The following NOCT variants were observed in gnomAD, a reference collection of about 807,000 sequenced individuals.
The protein encoded by NOCT is nocturnin.
NOCT carries 18 observed loss-of-function variants against 35.0 expected under a neutral mutation model. The observed-to-expected ratio is 0.51, with a 90% CI of 0.36 to 0.76. NOCT has a LOEUF of 0.76. Ranked by LOEUF, NOCT falls within the 30% of genes least tolerant of loss-of-function variation. The pLI, the probability that NOCT is intolerant of heterozygous loss-of-function variation, is 0.01. For synonymous variants in NOCT, 235 were observed against 226.3 expected (o/e 1.04, Z -0.34); for missense variants, 479 against 541.0 (o/e 0.89, Z 1.14).
chr4:139,040,435 A>G (rs1345752398), intron 1 of NOCT, among the ~76,000 whole-genome samples: 1 of 152,026 alleles, frequency 6.6e-6, no homozygotes, highest in Non-Finnish European at 1.5e-5. Flanking sequence ...ACTGTCTGAT[A>G]TTGTTCTATT....
chr4:139,021,070 CAA>C (rs942925444), intron 1 of NOCT, among the ~76,000 whole-genome samples: 33 of 55,630 alleles, frequency 5.9e-4, no homozygotes, highest in Admixed American at 7.8e-4. Flanking sequence ...TACTCTGTCT[CAA>C]AAAAAAAAAA....
rs1726872548 is a variant in NOCT at position 139,043,357 on chromosome 4, T to G, written c.460+14T>G. 8 of 1,608,052 alleles carry G rather than the reference T, an allele frequency of 5.0e-6. No individual in the cohort carries two copies. The South Asian group carries it at 7.7e-5, about 15-fold the overall frequency. On this transcript the variant is annotated intron_variant, in intron 2 of 2. Transcript: ENST00000280614. ...TCCTCGCCCAAGGTATGCTGGATGC[T>G]TTTGTGCCTCTGCAGTCAAGTTTGC... is the stretch of plus-strand genomic sequence containing the variant.
At position 139,044,709 on chromosome 4, in the gene NOCT, T is replaced by G; in HGVS notation, c.531T>G (p.Cys177Trp). 6.2e-7 allele frequency: 1 copy of G among 1,614,166 alleles called. No homozygotes were observed. The highest frequency in any genetic ancestry group is 8.5e-7 in the Non-Finnish European group (1 of 1,180,022). The part of the protein sequence containing the change: ...VEALKWEERK[C>W]LILEEILAYQ... ...CACTCAAATGGGAAGAAAGGAAATGTCTCATCCTGGAAGAAATCCTGGCCT... is the reference window on the plus strand; with the variant it reads ...CACTCAAATGGGAAGAAAGGAAATGGCTCATCCTGGAAGAAATCCTGGCCT... The change falls in exon 3 of 3, where the codon TGT (cysteine) becomes TGG (tryptophan). Residue 177 changes from cysteine to tryptophan, a missense_variant. Physicochemically the swap from Cys to Trp is radical, Grantham distance 215. Coordinates refer to ENST00000280614, the MANE Select transcript of NOCT (RefSeq NM_012118.4).
intron 1 of NOCT, among the ~76,000 whole-genome samples, chr4:139,032,398 C>G (rs1409652096): frequency 6.6e-6 from 1 of 152,142 alleles, no homozygotes; most frequent in African/African-American, 2.4e-5. Context: ...GACTCATGCC[C>G]AGTCCCAACA....
chr4:139,033,565 C>T (rs918855397), intron 1 of NOCT, among the ~76,000 whole-genome samples: 2 of 150,912 alleles, frequency 1.3e-5, no homozygotes, highest in African/African-American at 2.4e-5. Flanking sequence ...ATCCCAGCTG[C>T]TTAGGCTGAG....
At chr4:139,019,188 T>G (rs1726366473) in intron 1 of NOCT, among the ~76,000 whole-genome samples, 1 of 152,208 alleles carries the variant, frequency 6.6e-6, no homozygotes, top group African/African-American at 2.4e-5. Flanking sequence ...CCTGAGCAGC[T>G]GTGACTACAG....
At chr4:139,038,406 A>G (rs1172916255) in intron 1 of NOCT, among the ~76,000 whole-genome samples, 2 of 152,108 alleles carry the variant, frequency 1.3e-5, no homozygotes, top group Non-Finnish European at 2.9e-5. Flanking sequence ...CTCAGGCCAA[A>G]TAAGGTAGAT....
chr4:139,041,587 C>G (rs1726833435), intron 1 of NOCT, among the ~76,000 whole-genome samples: 1 of 152,312 alleles, frequency 6.6e-6, no homozygotes, highest in East Asian at 1.9e-4. Context: ...GAAGATTATG[C>G]TCTGTTCTCC....
chr4:139,034,218 C>T (rs1309329789), intron 1 of NOCT, among the ~76,000 whole-genome samples: 1 of 151,950 alleles, frequency 6.6e-6, no homozygotes, highest in Non-Finnish European at 1.5e-5. Context: ...AGCACTGTGT[C>T]TCCCCACCCC....
rs778849254 is a variant in NOCT, at chr4:139,045,387, C to A, written c.1209C>A (p.Asn403Lys). 1.2e-6 allele frequency: 2 copies of A among 1,614,096 alleles called. No homozygotes were observed. Among genetic ancestry groups the A allele is most frequent in the Non-Finnish European group, 8.5e-7 (1 of 1,179,992 alleles). Reference sequence around the variant, plus strand: ...TCACTGAAGAACAGATTGGACCCAACAGGTTACCTTCCTTCAATTATCCTT... The same window carrying A: ...TCACTGAAGAACAGATTGGACCCAAAAGGTTACCTTCCTTCAATTATCCTT... ...DLLTEEQIGP[N>K]RLPSFNYPSD... The change falls in exon 3 of 3, where the codon AAC (asparagine) becomes AAA (lysine). Residue 403 changes from asparagine to lysine, a missense_variant. Asn to Lys is a moderately conservative substitution (Grantham distance 94). Around this residue, in one of 2 missense-constraint regions of NOCT, gnomAD observed 214 missense variants for 284.0 expected, o/e 0.75. Transcript: ENST00000280614.
intron 1 of NOCT, among the ~76,000 whole-genome samples, chr4:139,023,347 A>G (rs1323215706): frequency 6.6e-6 from 1 of 152,148 alleles, no homozygotes; most frequent in Non-Finnish European, 1.5e-5. Context: ...GATTCTAATA[A>G]TACCTGGGAT....
At position 139,034,140 on chromosome 4, in the gene NOCT, C is replaced by T. The variant is rs1726681159; in HGVS notation, c.191-8934C>T. 2.0e-5 allele frequency among the ~76,000 whole-genome samples: 3 copies of T among 152,152 alleles called. No homozygotes were observed. In the South Asian group the frequency reaches 6.2e-4, roughly 31 times the overall value. On this transcript the variant is annotated intron_variant, in intron 1 of 2. Transcript: ENST00000280614. ...TAAGGGCCTTGTTGCTGTGTCATGCCATGGCCAAAGATGGAAGGTCAAGAG... is the reference window on the plus strand; with the variant it reads ...TAAGGGCCTTGTTGCTGTGTCATGCTATGGCCAAAGATGGAAGGTCAAGAG...
At position 139,045,442 on chromosome 4, in the gene NOCT, A is replaced by G. The variant is rs1726917083; in HGVS notation, c.1264A>G (p.Ser422Gly). 3 of 1,602,694 alleles carry G rather than the reference A, an allele frequency of 1.9e-6. No individual in the cohort carries two copies. Among genetic ancestry groups the G allele is most frequent in the Non-Finnish European group, 8.5e-7 (1 of 1,172,354 alleles). The change falls in exon 3 of 3, where the codon AGC (serine) becomes GGC (glycine). Residue 422 changes from serine to glycine, a missense_variant. Physicochemically the swap from Ser to Gly is moderately conservative, Grantham distance 56 (BLOSUM62 0). Around this residue, in one of 2 missense-constraint regions of NOCT, gnomAD observed 214 missense variants for 284.0 expected, o/e 0.75. Transcript: ENST00000280614. ...CCACCTGTCTCTAGTGTGTGACTTC[A>G]GCTTTACTGAGGAATCTGATGGACT... ...SDHLSLVCDFSFTEESDGLS is the reference protein window; with the variant it reads ...SDHLSLVCDFGFTEESDGLS
intron 1 of NOCT, among the ~76,000 whole-genome samples, chr4:139,030,221 TG>T (rs1394381328): frequency 6.6e-6 from 1 of 152,228 alleles, no homozygotes; most frequent in African/African-American, 2.4e-5. Context: ...ATTACACTTT[TG>T]AACCTTAGTG....
At chr4:139,020,565 G>A (rs1455710957) in intron 1 of NOCT, among the ~76,000 whole-genome samples, 5 of 152,196 alleles carry the variant, frequency 3.3e-5, no homozygotes, top group Non-Finnish European at 7.3e-5. Context: ...TGGGACAGTT[G>A]TTAAAATGCA....
In NOCT at chr4:139,016,156, T is replaced by A. The variant is rs945167132; in HGVS notation, c.175T>A (p.Ser59Thr). Reference protein sequence around the residue: ...AASAASGAARSCSRTVCSMGT... With the variant: ...AASAASGAARTCSRTVCSMGT... ...CTCGGCGGCCTCGGGCGCCGCGAGG[T>A]CGTGTTCCCGAACAGGTGAGTGCAC... The change falls in exon 1 of 3, where the codon TCG (serine) becomes ACG (threonine). Residue 59 changes from serine (S) to threonine (T), a missense_variant. By Grantham distance (58) the Ser-to-Thr change is moderately conservative (BLOSUM62 1). Coordinates refer to ENST00000280614, the MANE Select transcript of NOCT (RefSeq NM_012118.4). The A allele has an allele frequency of 7.9e-6, 10 of 1,266,644 alleles. No homozygotes were observed. Among genetic ancestry groups the A allele is most frequent in the Non-Finnish European group, 8.9e-6 (9 of 1,010,512 alleles). The allele number at this position is 1,266,644 out of a possible 1,614,324, so 78.5% of individuals were successfully genotyped here. A position where few individuals can be genotyped will look rare whatever the true frequency, so the allele number is the denominator to read the frequency against.
At chr4:139,021,955 C>A (rs1445115241) in intron 1 of NOCT, among the ~76,000 whole-genome samples, 2 of 152,000 alleles carry the variant, frequency 1.3e-5, no homozygotes, top group African/African-American at 4.8e-5. Flanking sequence ...GACAGGGTTT[C>A]ACCATGTTGG....
chr4:139,028,961 C>T (rs1726575057), intron 1 of NOCT, among the ~76,000 whole-genome samples: 1 of 152,100 alleles, frequency 6.6e-6, no homozygotes, highest in Non-Finnish European at 1.5e-5. Flanking sequence ...GTCTCAGCCT[C>T]CCGAGTAGCT....
At chr4:139,044,328 A>G (rs1726894560) in intron 2 of NOCT, among the ~76,000 whole-genome samples, 1 of 152,188 alleles carries the variant, frequency 6.6e-6, no homozygotes, top group African/African-American at 2.4e-5. Flanking sequence ...TTTAAAAGAA[A>G]ATTGGCATTT....
Sources: allele counts gnomAD v4.1 joint callset (sites outside exome capture counted in the v4.1 genomes callset), GRCh38; gene constraint gnomAD v4.1.1; regional missense constraint gnomAD v4.1.1; transcripts MANE v1.5; gene names NCBI Gene and HGNC (gene_info 2026-07-23, HGNC 2026-07-21).